CSMD3: variants seen among roughly 807,000 people sequenced by gnomAD.
The protein encoded by CSMD3 is CUB and sushi domain-containing protein 3.
In CSMD3, 177 loss-of-function variants were observed where a neutral mutation model predicts 435.2. That is an observed-to-expected ratio of 0.41 (90% CI 0.36 to 0.46). The LOEUF is 0.46. CSMD3 is among the 20% of genes least tolerant of loss of function. The pLI, the probability that CSMD3 is intolerant of heterozygous loss-of-function variation, is 0.34. For synonymous variants in CSMD3, 1,656 were observed against 1,520.5 expected, an observed-to-expected ratio of 1.09 and a Z score of -2.07; for missense variants, 4,265 against 4,504.6, an observed-to-expected ratio of 0.95 and a Z score of 1.52.
At chr8:112,305,543 T>A (rs1369106781) in intron 51 of CSMD3, among the ~76,000 whole-genome samples, 1 of 152,140 alleles carries the variant, frequency 6.6e-6, no homozygotes, top group African/African-American at 2.4e-5. Flanking sequence ...GAAGTAATAG[T>A]GACAGCAATA....
chr8:112,810,384 A>ACAAG (rs2079192513), intron 12 of CSMD3, among the ~76,000 whole-genome samples: 1 of 4,996 alleles, frequency 2.0e-4, no homozygotes, highest in South Asian at 9.1e-3. Context: ...TAATTAACAG[A>ACAAG]CAAATCTGAC....
chr8:112,433,654 C>CCAA (rs1813974859), intron 32 of CSMD3, among the ~76,000 whole-genome samples: 1 of 93,212 alleles, frequency 1.1e-5, no homozygotes, highest in East Asian at 3.2e-4. Flanking sequence ...GAGAACCTGT[C>CCAA]AAAAAAAAAA....
At chr8:113,071,147 C>T (rs1425336809) in intron 5 of CSMD3, among the ~76,000 whole-genome samples, 1 of 151,646 alleles carries the variant, frequency 6.6e-6, no homozygotes, top group Non-Finnish European at 1.5e-5. Flanking sequence ...AAGCGTTTTG[C>T]CCATTTAAAA....
intron 1 of CSMD3, among the ~76,000 whole-genome samples, chr8:113,433,421 G>A (rs2094687148): frequency 6.6e-6 from 1 of 152,178 alleles, no homozygotes. Context: ...AGTGCCTCTG[G>A]CAGCTCTTCC....
At chr8:112,687,290 AG>A (rs1314952717) in intron 14 of CSMD3, among the ~76,000 whole-genome samples, 1 of 152,020 alleles carries the variant, frequency 6.6e-6, no homozygotes, top group African/African-American at 2.4e-5. Flanking sequence ...TTTGACTACT[AG>A]AGAAGTTGAA....
At chr8:112,733,378 T>G (rs893154377) in intron 13 of CSMD3, among the ~76,000 whole-genome samples, 7 of 133,614 alleles carry the variant, frequency 5.2e-5, no homozygotes, top group African/African-American at 2.2e-4. Flanking sequence ...AAGTGCTTGT[T>G]AGTTTTTTTT....
At chr8:113,350,084 C>G (rs2094179622) in intron 1 of CSMD3, among the ~76,000 whole-genome samples, 1 of 151,844 alleles carries the variant, frequency 6.6e-6, no homozygotes, top group Non-Finnish European at 1.5e-5. Context: ...TCCCGCTACC[C>G]TAGAAAAGGT....
intron 22 of CSMD3, among the ~76,000 whole-genome samples, chr8:112,628,276 C>A (rs796931857): frequency 1.3e-5 from 2 of 152,076 alleles, no homozygotes; most frequent in Non-Finnish European, 2.9e-5. Context: ...TATACAGGTA[C>A]AGAATTCATC....
At chr8:113,272,188 G>A (rs1279127045) in intron 3 of CSMD3, among the ~76,000 whole-genome samples, 3 of 152,176 alleles carry the variant, frequency 2.0e-5, no homozygotes, top group African/African-American at 4.8e-5. Flanking sequence ...GGACTTCTGG[G>A]TTAATGCTGA....
rs145647034 is a variant in CSMD3, at chr8:112,675,723, A to G, written c.2677+6719T>C. On this transcript the variant is annotated intron_variant, in intron 16 of 70. Coordinates refer to ENST00000297405, the MANE Select transcript of CSMD3 (RefSeq NM_198123.2). ...GAAATGACAAGGTACTGCTTAGGGG[A>G]AAAAAATCACAGGGACCAAGTCTCT... Among the ~76,000 whole-genome samples, 559 of 152,160 alleles carry G rather than the reference A, an allele frequency of 3.7e-3. 4 individuals carry two copies. The highest frequency in any genetic ancestry group is 0.012 in the African/African-American group (490 of 41,538).
At chr8:112,579,837 C>T (rs905731757) in intron 23 of CSMD3, among the ~76,000 whole-genome samples, 1 of 151,982 alleles carries the variant, frequency 6.6e-6, no homozygotes, top group Non-Finnish European at 1.5e-5. Context: ...GACATCATTC[C>T]TCCTAACCTT....
At chr8:113,005,879 T>C (rs1220181897) in intron 6 of CSMD3, among the ~76,000 whole-genome samples, 4 of 152,080 alleles carry the variant, frequency 2.6e-5, no homozygotes, top group Non-Finnish European at 4.4e-5. Flanking sequence ...TATTCCTTGT[T>C]GGTTTTGTAT....
chr8:112,783,642 T>C (rs968920109), intron 13 of CSMD3, among the ~76,000 whole-genome samples: 6 of 151,970 alleles, frequency 3.9e-5, no homozygotes, highest in African/African-American at 1.2e-4. Flanking sequence ...TCAAGAGACA[T>C]AGAGTGACTA....
At chr8:113,359,648 A>C (rs528937493) in intron 1 of CSMD3, among the ~76,000 whole-genome samples, 2 of 152,344 alleles carry the variant, frequency 1.3e-5, no homozygotes, top group Non-Finnish European at 2.9e-5. Context: ...TTGTCTTTCC[A>C]GTCTTTGCTT....
chr8:112,565,475 T>C (rs1445550377), intron 24 of CSMD3, among the ~76,000 whole-genome samples: 1 of 152,090 alleles, frequency 6.6e-6, no homozygotes, highest in African/African-American at 2.4e-5. Flanking sequence ...CACAAATTAG[T>C]TAATGCCCAT....
chr8:112,910,640 A>C (rs2082384253), intron 10 of CSMD3, among the ~76,000 whole-genome samples: 1 of 151,746 alleles, frequency 6.6e-6, no homozygotes, highest in African/African-American at 2.4e-5. Context: ...AACTTCTCTC[A>C]AGCATTGTAT....
chr8:113,357,700 GGACCTAGTAGAAGAT>G, intron 1 of CSMD3, among the ~76,000 whole-genome samples: 1 of 152,114 alleles, frequency 6.6e-6, no homozygotes, highest in East Asian at 1.9e-4. Context: ...ATTGGGGGAG[GGACCTAGTAGAAGAT>G]GACTGGATCA....
chr8:112,996,039 A>G (rs1182601796), intron 6 of CSMD3, among the ~76,000 whole-genome samples: 1 of 151,482 alleles, frequency 6.6e-6, no homozygotes, highest in Non-Finnish European at 1.5e-5. Flanking sequence ...TGAAATATGT[A>G]TGTATGGTGG....
At chr8:112,733,722 A>G (rs1034827862) in intron 13 of CSMD3, among the ~76,000 whole-genome samples, 15 of 152,010 alleles carry the variant, frequency 9.9e-5, no homozygotes, top group African/African-American at 3.6e-4. Context: ...TCTAGTAAGA[A>G]AAAGACCAGT....
Sources: allele counts gnomAD v4.1 joint callset (sites outside exome capture counted in the v4.1 genomes callset), GRCh38; gene constraint gnomAD v4.1.1; transcripts MANE v1.5; gene names NCBI Gene and HGNC (gene_info 2026-07-23, HGNC 2026-07-21).